Variants in ATP10B observed in about 807,000 individuals in gnomAD.
The protein encoded by ATP10B is ATPase phospholipid transporting 10B (putative).
Under a neutral mutation model 141.2 loss-of-function variants are expected in ATP10B, and 122 were observed. The ratio of observed to expected loss-of-function variants is 0.86; its 90% CI spans 0.75 to 1.00. The LOEUF is 1.00. Ranked by LOEUF, ATP10B falls within the 50% of genes least tolerant of loss-of-function variation. ATP10B has a pLI of 0.00. For missense variants in ATP10B, 1,876 were observed against 1,825.3 expected (o/e 1.03, Z -0.51); for synonymous variants, 685 against 692.0 (o/e 0.99, Z 0.16).
intron 24 of ATP10B, among the ~76,000 whole-genome samples, chr5:160,571,793 G>A (rs1465584379): frequency 1.3e-5 from 2 of 152,142 alleles, no homozygotes; most frequent in Admixed American, 6.5e-5. Context: ...ATGAACCTGG[G>A]CTACATATGT....
rs553398149 is a variant in ATP10B, at chr5:160,645,709, T to A, written c.762-1465A>T. ...TTTTCAGCAAGCTTAAATATAACTT[T>A]CCAAACCTATTTGGGAGAACAAAAA... On this transcript the variant is annotated intron_variant, in intron 8 of 25. Coordinates refer to ENST00000327245, the MANE Select transcript of ATP10B (RefSeq NM_025153.3). Among the ~76,000 whole-genome samples, 4 of 152,292 alleles carry A rather than the reference T, an allele frequency of 2.6e-5. No individual in the cohort carries two copies. The East Asian group carries it at 7.7e-4, about 29-fold the overall frequency.
At position 160,565,590 on chromosome 5, in the gene ATP10B, AG is replaced by A. The variant is rs1401817463; in HGVS notation, c.4248del (p.Ser1417ProfsTer17). The A allele has an allele frequency of 1.9e-6, 3 of 1,614,116 alleles. No homozygotes were observed. On this transcript the variant is annotated frameshift_variant, in exon 26 of 26. Coordinates refer to ENST00000327245, the MANE Select transcript of ATP10B (RefSeq NM_025153.3). LOFTEE classifies it low-confidence loss of function (END_TRUNC). ...TCCCCGGATGAGAGTTGAGCTGAGG[AG>A]TCCCCTGAGCATGAGTCATCCCTCA... ...ECMRDDSCSG[D>X]SSAQLSSGEH...
intron 1 of ATP10B, among the ~76,000 whole-genome samples, chr5:160,839,248 A>G (rs1775672349): frequency 6.6e-6 from 1 of 152,100 alleles, no homozygotes; most frequent in African/African-American, 2.4e-5. Flanking sequence ...GAAGGAGAAA[A>G]CTCAAGTGTG....
chr5:160,625,007 A>C (rs1348449572), intron 13 of ATP10B, among the ~76,000 whole-genome samples: 1 of 152,186 alleles, frequency 6.6e-6, no homozygotes, highest in African/African-American at 2.4e-5. Flanking sequence ...GCTCGTATTC[A>C]TGTGGTGTTT....
intron 3 of ATP10B, among the ~76,000 whole-genome samples, chr5:160,695,489 A>AGT (rs59946073): frequency 0.019 from 2,845 of 148,860 alleles, 30 homozygotes; most frequent in African/African-American, 0.027. Flanking sequence ...TGCGTGAGTG[A>AGT]GTGTGTGTGT....
In ATP10B at chr5:160,652,927, TTATATATACA is replaced by T. The variant is rs1561702052; in HGVS notation, c.676-3681_676-3672del. ...TATATATACATGTATATATAATATA[TTATATATACA>T]TGTATATATAATATATTATATATAC... is the stretch of plus-strand genomic sequence containing the variant. On this transcript the variant is annotated intron_variant, in intron 7 of 25. Coordinates refer to ENST00000327245, the MANE Select transcript of ATP10B (RefSeq NM_025153.3). Among the ~76,000 whole-genome samples the T allele has an allele frequency of 2.4e-3, 193 of 82,064 alleles. 13 individuals are homozygous for T. Among genetic ancestry groups the T allele is most frequent in the African/African-American group, 0.01 (183 of 17,738 alleles). 53.8% of individuals were successfully genotyped at this position (82,064 alleles called of 152,430 possible).
chr5:160,592,823 G>C (rs983979721), intron 22 of ATP10B, among the ~76,000 whole-genome samples: 1 of 152,242 alleles, frequency 6.6e-6, no homozygotes, highest in African/African-American at 2.4e-5. Flanking sequence ...TAGCACAGCA[G>C]TCTGAGATCA....
At chr5:160,741,364 G>T (rs1010533014) in intron 2 of ATP10B, among the ~76,000 whole-genome samples, 2 of 152,346 alleles carry the variant, frequency 1.3e-5, no homozygotes, top group Non-Finnish European at 2.9e-5. Context: ...AAAGGAGGAT[G>T]GGATCAGTCT....
rs1756915044 is a variant in ATP10B at position 160,598,891 on chromosome 5, A to C, written c.3443T>G (p.Ile1148Arg). 1 of 1,614,076 alleles carries C rather than the reference A, an allele frequency of 6.2e-7. No homozygotes were observed. Among genetic ancestry groups the C allele is most frequent in the Admixed American group, 1.7e-5 (1 of 60,008 alleles). Residue 1148 changes from isoleucine (I) to arginine (R), a missense_variant, in exon 22 of 26, where the codon ATA (isoleucine) becomes AGA (arginine). Physicochemically the swap from Ile to Arg is moderately conservative, Grantham distance 97. Coordinates refer to ENST00000327245, the MANE Select transcript of ATP10B (RefSeq NM_025153.3). The part of the protein sequence containing the change: ...SSTMIDYWQM[I>R]FFNLFFTSLP... ...GGAGGTAAAGAAGAGATTGAAGAAT[A>C]TCATCTGCCAGTAATCAATCATGGT...
At chr5:160,739,122 T>A (rs372856789) in intron 2 of ATP10B, among the ~76,000 whole-genome samples, 20 of 152,214 alleles carry the variant, frequency 1.3e-4, no homozygotes, top group African/African-American at 4.8e-4. Flanking sequence ...AGAAAAAATA[T>A]TCTATGAAAT....
At chr5:160,709,694 G>A (rs1765242796) in intron 3 of ATP10B, among the ~76,000 whole-genome samples, 4 of 131,968 alleles carry the variant, frequency 3.0e-5, no homozygotes, top group Admixed American at 2.3e-4. Flanking sequence ...GTGCCATGCT[G>A]GTGCGCTGCA....
chr5:160,599,093 G>A (rs893655617), intron 21 of ATP10B, 123 bp from the exon 22 acceptor site: 1 of 749,512 alleles, frequency 1.3e-6, no homozygotes, highest in Non-Finnish European at 2.2e-6. Flanking sequence ...ACAGGGTTAT[G>A]TAAGGATGAG....
the ATP10B span, among the ~76,000 whole-genome samples, chr5:160,863,719 A>C: frequency 6.6e-6 from 1 of 152,076 alleles, no homozygotes; most frequent in Non-Finnish European, 1.5e-5. Context: ...TTAACCAAGA[A>C]GAGAGAAGAT....
At chr5:160,679,170 C>CACAGACAAAAGAAA (rs544802699) in intron 6 of ATP10B, among the ~76,000 whole-genome samples, 1 of 152,294 alleles carries the variant, frequency 6.6e-6, no homozygotes, top group East Asian at 1.9e-4. Context: ...GGTGCAAACT[C>CACAGACAAAAGAAA]ACAGACAAAA....
chr5:160,679,600 A>G (rs1581341140), intron 6 of ATP10B, among the ~76,000 whole-genome samples: 1 of 152,220 alleles, frequency 6.6e-6, no homozygotes, highest in East Asian at 1.9e-4. Flanking sequence ...CAGGTAGGCT[A>G]CCGAAGCACG....
the ATP10B span, among the ~76,000 whole-genome samples, chr5:160,890,833 C>T: frequency 2.6e-5 from 4 of 152,156 alleles, 1 homozygote; most frequent in East Asian, 7.7e-4. Context: ...TCCCAGCTTC[C>T]TGAGTAGCTG....
At chr5:160,622,852 C>G (rs995177178) in intron 13 of ATP10B, among the ~76,000 whole-genome samples, 2 of 152,184 alleles carry the variant, frequency 1.3e-5, no homozygotes, top group East Asian at 3.9e-4. Context: ...CATGCTGAGA[C>G]CCTCTACCCC....
At chr5:160,705,797 C>G (rs1581388774) in intron 3 of ATP10B, among the ~76,000 whole-genome samples, 1 of 152,190 alleles carries the variant, frequency 6.6e-6, no homozygotes, top group Admixed American at 6.5e-5. Flanking sequence ...TCTTTGCATT[C>G]ACAACTTGGT....
chr5:160,847,513 C>G (rs998392826), intron 1 of ATP10B, among the ~76,000 whole-genome samples: 5 of 152,184 alleles, frequency 3.3e-5, no homozygotes, highest in African/African-American at 1.2e-4. Flanking sequence ...AGAGGGAAAA[C>G]TCCATGTGGC....
Sources: gnomAD v4.1 joint callset for allele counts (sites outside exome capture counted in the v4.1 genomes callset) on GRCh38, gnomAD v4.1.1 for gene constraint, MANE v1.5 for transcripts, NCBI Gene and HGNC (gene_info 2026-07-23, HGNC 2026-07-21) for gene names.